Variants in MB21D2 observed in about 807,000 individuals in gnomAD.
MB21D2 encodes the protein nucleotidyltransferase MB21D2.
A neutral mutation model predicts 33.3 loss-of-function variants in MB21D2; 9 were observed. That is an observed-to-expected ratio of 0.27 (90% CI 0.16 to 0.47). The LOEUF (loss-of-function observed/expected upper bound fraction) is 0.47, where lower values mean the gene tolerates loss of function less well. MB21D2 is among the 20% of genes least tolerant of loss of function. The pLI, the probability that MB21D2 is intolerant of heterozygous loss-of-function variation, is 0.99. For missense variants in MB21D2, 540 were observed against 624.6 expected, an observed-to-expected ratio of 0.86 and a Z score of 1.44; for synonymous variants, 241 against 236.3, an observed-to-expected ratio of 1.02 and a Z score of -0.18.
intron 1 of MB21D2, among the ~76,000 whole-genome samples, chr3:192,905,364 C>T (rs1464005068): frequency 6.6e-6 from 1 of 151,964 alleles, no homozygotes; most frequent in Non-Finnish European, 1.5e-5. Flanking sequence ...CGTGGCTGGG[C>T]ATGGTGGCTC....
rs557733662 is a variant in MB21D2 at position 192,870,046 on chromosome 3, A to G, written c.211+47584T>C. Among the ~76,000 whole-genome samples the G allele has an allele frequency of 2.0e-3, 304 of 152,356 alleles. 1 individual carries two copies. The highest frequency in any genetic ancestry group is 7.1e-3 in the African/African-American group (297 of 41,572). On this transcript the variant is annotated intron_variant, in intron 1 of 1. Coordinates refer to ENST00000392452, the MANE Select transcript of MB21D2 (RefSeq NM_178496.4). ...ATCAGAAAGCCTAGCTGAATGAATA[A>G]GGCTAATAATTATCATCATGAAATA... is the stretch of plus-strand genomic sequence containing the variant.
intron 1 of MB21D2, among the ~76,000 whole-genome samples, chr3:192,872,122 A>T (rs1308717460): frequency 6.6e-6 from 1 of 152,246 alleles, no homozygotes; most frequent in Non-Finnish European, 1.5e-5. Flanking sequence ...TTGGATAAAG[A>T]AAAGTTTACT....
intron 1 of MB21D2, among the ~76,000 whole-genome samples, chr3:192,871,844 G>C (rs199563119): frequency 3.3e-5 from 5 of 152,098 alleles, no homozygotes; most frequent in East Asian, 1.9e-4. Context: ...TTGCAGCAAG[G>C]GGGGTGAGGG....
intron 1 of MB21D2, among the ~76,000 whole-genome samples, chr3:192,909,984 A>AAAG (rs888599290): frequency 3.3e-5 from 5 of 150,162 alleles, no homozygotes; most frequent in East Asian, 3.9e-4. Context: ...GAGAGAGAGA[A>AAAG]AAGAGCCTAA....
At chr3:192,860,570 A>G (rs1337744005) in intron 1 of MB21D2, among the ~76,000 whole-genome samples, 1 of 152,360 alleles carries the variant, frequency 6.6e-6, no homozygotes, top group East Asian at 1.9e-4. Flanking sequence ...TATAGTCCAC[A>G]TTGCAAATTA....
chr3:192,798,113 G>T lies in MB21D2; in HGVS notation c.*273C>A. On this transcript the variant is annotated 3_prime_UTR_variant, in exon 2 of 2. Coordinates refer to ENST00000392452, the MANE Select transcript of MB21D2 (RefSeq NM_178496.4). The surrounding 1 kb of genome is among the most constrained non-coding windows in gnomAD (Gnocchi z 4.8). Reference sequence around the variant, plus strand: ...AGGATTCATGGGCATTTTCATCTATGGCTTAAGATCTCCTTAAAAAGAAAA... The same window carrying T: ...AGGATTCATGGGCATTTTCATCTATTGCTTAAGATCTCCTTAAAAAGAAAA... The T allele has an allele frequency of 3.0e-6, 1 of 338,510 alleles. No homozygotes were observed. The highest frequency in any genetic ancestry group is 5.4e-6 in the Non-Finnish European group (1 of 186,056). 21.0% of individuals were successfully genotyped at this position (338,510 alleles called of 1,614,324 possible). A position where few individuals can be genotyped will look rare whatever the true frequency, so the allele number is the denominator to read the frequency against.
intron 1 of MB21D2, among the ~76,000 whole-genome samples, chr3:192,915,444 C>T (rs1406878158): frequency 3.9e-5 from 6 of 152,208 alleles, no homozygotes; most frequent in South Asian, 2.1e-4. Flanking sequence ...GCAAGGAACT[C>T]GCAAATGAAT....
chr3:192,838,916 T>C (rs1712510347), intron 1 of MB21D2, among the ~76,000 whole-genome samples: 1 of 152,202 alleles, frequency 6.6e-6, no homozygotes, highest in South Asian at 2.1e-4. Flanking sequence ...AACTAGTGAA[T>C]GCCCATTTAG....
intron 1 of MB21D2, among the ~76,000 whole-genome samples, chr3:192,891,173 T>G (rs1007907255): frequency 6.6e-6 from 1 of 152,152 alleles, no homozygotes; most frequent in Admixed American, 6.5e-5. Flanking sequence ...ATTATGCAAT[T>G]TTTCATGAGA....
chr3:192,903,617 G>C (rs1714147302), intron 1 of MB21D2, among the ~76,000 whole-genome samples: 1 of 152,140 alleles, frequency 6.6e-6, no homozygotes, highest in East Asian at 1.9e-4. Context: ...AGTAAAATAA[G>C]GATAATAGTA....
intron 1 of MB21D2, among the ~76,000 whole-genome samples, chr3:192,901,990 AAATC>A (rs1349126627): frequency 1.3e-5 from 2 of 152,222 alleles, no homozygotes; most frequent in Non-Finnish European, 2.9e-5. Flanking sequence ...ATACCTCTTT[AAATC>A]AATCAATTAG....
intron 1 of MB21D2, among the ~76,000 whole-genome samples, chr3:192,834,734 G>A (rs1165833184): frequency 6.6e-6 from 1 of 151,830 alleles, no homozygotes; most frequent in Non-Finnish European, 1.5e-5. Context: ...TTCTTTCTGG[G>A]ATAGACTGAA....
At chr3:192,848,150 G>C (rs886859481) in intron 1 of MB21D2, among the ~76,000 whole-genome samples, 2 of 152,130 alleles carry the variant, frequency 1.3e-5, no homozygotes, top group Non-Finnish European at 2.9e-5. Flanking sequence ...ACTTCATGTA[G>C]GCAAATCTGG....
chr3:192,839,618 G>C (rs1288601546), intron 1 of MB21D2, among the ~76,000 whole-genome samples: 2 of 152,126 alleles, frequency 1.3e-5, no homozygotes, highest in Non-Finnish European at 1.5e-5. Context: ...ATATGTGTCT[G>C]TGTGTGTGTA....
intron 1 of MB21D2, among the ~76,000 whole-genome samples, chr3:192,817,276 T>C (rs1389213573): frequency 6.6e-6 from 1 of 152,226 alleles, no homozygotes; most frequent in Admixed American, 6.5e-5. Context: ...TGCTTTGTAA[T>C]GCAAGTAACT....
chr3:192,883,158 G>C (rs1034330547), intron 1 of MB21D2, among the ~76,000 whole-genome samples: 1 of 152,036 alleles, frequency 6.6e-6, no homozygotes, highest in African/African-American at 2.4e-5. Flanking sequence ...GTAAGCCACC[G>C]TGCCCAGCCT....
At chr3:192,870,673 T>C (rs544803186) in intron 1 of MB21D2, among the ~76,000 whole-genome samples, 3 of 120,840 alleles carry the variant, frequency 2.5e-5, no homozygotes, top group African/African-American at 3.4e-5. Context: ...ATTGCACCAC[T>C]GCACTCCAGC....
intron 1 of MB21D2, among the ~76,000 whole-genome samples, chr3:192,815,731 A>T (rs543476832): frequency 6.6e-6 from 1 of 152,318 alleles, no homozygotes; most frequent in Non-Finnish European, 1.5e-5. Flanking sequence ...GAATTCATTC[A>T]TCTCTAACCA....
chr3:192,902,310 G>A (rs762545353), intron 1 of MB21D2, among the ~76,000 whole-genome samples: 8 of 152,182 alleles, frequency 5.3e-5, no homozygotes, highest in East Asian at 1.9e-4. Flanking sequence ...AGAGCCCGGC[G>A]TAGTCAGTTT....
Sources: allele counts gnomAD v4.1 joint callset (sites outside exome capture counted in the v4.1 genomes callset), GRCh38; gene constraint gnomAD v4.1.1; non-coding constraint Gnocchi (gnomAD v3.1); transcripts MANE v1.5; gene names NCBI Gene and HGNC (gene_info 2026-07-23, HGNC 2026-07-21).